Variants in KCNH5 observed in about 807,000 individuals in gnomAD.
KCNH5 encodes potassium voltage-gated channel subfamily H member 5.
In KCNH5, 46 loss-of-function variants were observed where a neutral mutation model predicts 96.1. The ratio of observed to expected loss-of-function variants is 0.48; its 90% CI spans 0.38 to 0.61. The LOEUF is 0.61. Among genes scored for constraint, KCNH5 ranks in the 20% least tolerant of loss-of-function variants. The probability of loss-of-function intolerance (pLI) is 0.00; values close to 1 mark genes in which losing one functional copy is unlikely to be tolerated. For missense variants in KCNH5, 907 were observed against 1,225.8 expected (o/e 0.74, Z 3.88); for synonymous variants, 439 against 449.8 (o/e 0.98, Z 0.30).
At chr14:62,730,651 A>G (rs1885029401) in intron 10 of KCNH5, among the ~76,000 whole-genome samples, 1 of 152,232 alleles carries the variant, frequency 6.6e-6, no homozygotes, top group Admixed American at 6.5e-5. Flanking sequence ...ATCTATCAAG[A>G]ACAACAACAG....
At chr14:62,931,392 A>G (rs1271169156) in intron 7 of KCNH5, among the ~76,000 whole-genome samples, 1 of 152,140 alleles carries the variant, frequency 6.6e-6, no homozygotes, top group Non-Finnish European at 1.5e-5. Context: ...AAAGAAGCAG[A>G]GAGACTCAGC....
At chr14:62,818,146 A>G (rs1167381775) in intron 8 of KCNH5, among the ~76,000 whole-genome samples, 1 of 150,230 alleles carries the variant, frequency 6.7e-6, no homozygotes, top group Non-Finnish European at 1.5e-5. Context: ...ATGTTTGTCA[A>G]AAGATACACA....
At chr14:62,727,392 A>T (rs1221969690) in intron 10 of KCNH5, among the ~76,000 whole-genome samples, 1 of 152,086 alleles carries the variant, frequency 6.6e-6, no homozygotes, top group Admixed American at 6.6e-5. Context: ...TTGAGTAGGT[A>T]AAGCTTGCAT....
At chr14:62,883,861 T>C (rs191561087) in intron 7 of KCNH5, among the ~76,000 whole-genome samples, 3 of 152,224 alleles carry the variant, frequency 2.0e-5, no homozygotes, top group Admixed American at 2.0e-4. Context: ...GAGTTAAGAA[T>C]CTTTAAGCCA....
intron 6 of KCNH5, among the ~76,000 whole-genome samples, chr14:62,969,265 T>G (rs1274732257): frequency 6.6e-6 from 1 of 152,106 alleles, no homozygotes; most frequent in Non-Finnish European, 1.5e-5. Context: ...ACAAAATCAG[T>G]GCTTACAGGG....
rs141970580 is a variant in KCNH5, at chr14:63,045,181, C to G, written c.6G>C (p.Pro2=). ...GTGCCACCAGCCCTCTCTTGCCCCC[C>G]GGCATCCTGGGTCTGGAGAGCAGCG... M[P]GGKRGLVAPQ... is the part of the protein sequence containing the mutation. Residue 2 remains proline, a synonymous_variant, in exon 1 of 11, where the codon CCG becomes CCC. Coordinates refer to ENST00000322893, the MANE Select transcript of KCNH5 (RefSeq NM_139318.5). 14 of 1,613,292 alleles carry G rather than the reference C, an allele frequency of 8.7e-6. 1 individual carries two copies. In the African/African-American group the frequency reaches 1.9e-4, roughly 22 times the overall value.
intron 7 of KCNH5, among the ~76,000 whole-genome samples, chr14:62,945,574 T>C (rs759197031): frequency 6.6e-5 from 10 of 152,158 alleles, no homozygotes; most frequent in Non-Finnish European, 7.3e-5. Context: ...GGAGCTTACA[T>C]TCTGAAGGAA....
At chr14:62,991,319 C>T (rs944140704) in intron 4 of KCNH5, among the ~76,000 whole-genome samples, 1 of 151,730 alleles carries the variant, frequency 6.6e-6, no homozygotes, top group Non-Finnish European at 1.5e-5. Flanking sequence ...GTAGGAAAGG[C>T]ATGGTAGGGA....
chr14:62,773,683 T>G (rs911984036), intron 10 of KCNH5, among the ~76,000 whole-genome samples: 2 of 152,222 alleles, frequency 1.3e-5, no homozygotes, highest in African/African-American at 4.8e-5. Context: ...AAATATGTTC[T>G]TGCTATCTTG....
chr14:63,021,020 T>A (rs1177579180), intron 1 of KCNH5, among the ~76,000 whole-genome samples: 1 of 152,144 alleles, frequency 6.6e-6, no homozygotes, highest in African/African-American at 2.4e-5. Flanking sequence ...ATTTATAGTA[T>A]CAACTATAAA....
chr14:62,779,196 A>G (rs12431779), intron 10 of KCNH5, among the ~76,000 whole-genome samples: 70,112 of 152,118 alleles, frequency 0.46, 17,142 homozygotes, highest in South Asian at 0.7. Flanking sequence ...TTAAATGTGC[A>G]GCAGCAGTGT....
chr14:62,812,578 T>C (rs1401130872), intron 8 of KCNH5, among the ~76,000 whole-genome samples: 1 of 151,924 alleles, frequency 6.6e-6, no homozygotes, highest in African/African-American at 2.4e-5. Context: ...CACAAAACCT[T>C]AGAAGATAAG....
chr14:63,010,513 T>C (rs1891205501), intron 2 of KCNH5, among the ~76,000 whole-genome samples: 1 of 152,130 alleles, frequency 6.6e-6, no homozygotes, highest in African/African-American at 2.4e-5. Flanking sequence ...GCCCATGAGG[T>C]TGAAGCAAAC....
intron 1 of KCNH5, 59 bp downstream of exon 1, chr14:63,045,055 T>G: frequency 7.7e-7 from 1 of 1,305,204 alleles, no homozygotes; most frequent in African/African-American, 1.4e-5. Flanking sequence ...ATGGGGAGGA[T>G]GGGGGGCGCG....
intron 7 of KCNH5, among the ~76,000 whole-genome samples, chr14:62,949,509 G>A (rs984462011): frequency 6.6e-6 from 1 of 152,134 alleles, no homozygotes; most frequent in Non-Finnish European, 1.5e-5. Flanking sequence ...CATGGTCTTT[G>A]TTCCTTTAGG....
intron 10 of KCNH5, among the ~76,000 whole-genome samples, chr14:62,746,923 G>C (rs559219201): frequency 6.6e-6 from 1 of 152,288 alleles, no homozygotes; most frequent in African/African-American, 2.4e-5. Flanking sequence ...AGTGTTTTTA[G>C]AAAAATTAAA....
chr14:62,946,676 T>A (rs76340953), intron 7 of KCNH5, among the ~76,000 whole-genome samples: 1 of 152,116 alleles, frequency 6.6e-6, no homozygotes, highest in Non-Finnish European at 1.5e-5. Flanking sequence ...ACAAATACAA[T>A]GTCCTTCAAT....
intron 9 of KCNH5, among the ~76,000 whole-genome samples, chr14:62,785,105 C>T (rs975812822): frequency 2.6e-5 from 4 of 152,152 alleles, no homozygotes; most frequent in Admixed American, 6.5e-5. Context: ...GCTAATCAAC[C>T]ATTTCAAAGT....
chr14:62,944,808 G>A (rs1889855608), intron 7 of KCNH5, among the ~76,000 whole-genome samples: 1 of 152,024 alleles, frequency 6.6e-6, no homozygotes, highest in African/African-American at 2.4e-5. Context: ...AAATTTAAAG[G>A]TATCTCCCTG....
Sources: gnomAD v4.1 joint callset for allele counts (sites outside exome capture counted in the v4.1 genomes callset) on GRCh38, gnomAD v4.1.1 for gene constraint, MANE v1.5 for transcripts, NCBI Gene and HGNC (gene_info 2026-07-23, HGNC 2026-07-21) for gene names.